Variants in PHLPP1 observed in about 807,000 individuals in gnomAD.
PHLPP1 encodes PH domain and leucine rich repeat protein phosphatase 1, also known as PH domain leucine-rich repeat-containing protein phosphatase 1.
PHLPP1 carries 42 observed loss-of-function variants against 117.2 expected under a neutral mutation model. The ratio of observed to expected loss-of-function variants is 0.36; its 90% confidence interval spans 0.28 to 0.46. The LOEUF (loss-of-function observed/expected upper bound fraction) is 0.46. Ranked by LOEUF, PHLPP1 falls within the 20% of genes least tolerant of loss-of-function variation. The probability of loss-of-function intolerance (pLI) is 1.00; values close to 1 mark genes in which losing one functional copy is unlikely to be tolerated. For missense variants in PHLPP1, 2,084 were observed against 2,241.9 expected (o/e 0.93, Z 1.42); for synonymous variants, 1,042 against 970.7 (o/e 1.07, Z -1.37).
At chr18:62,810,286 A>T (rs1032671584) in intron 1 of PHLPP1, among the ~76,000 whole-genome samples, 3 of 152,252 alleles carry the variant, frequency 2.0e-5, no homozygotes, top group African/African-American at 4.8e-5. Context: ...TCAAAATGCC[A>T]TATTTCCCTA....
At chr18:62,820,014 T>C (rs946470144) in intron 1 of PHLPP1, among the ~76,000 whole-genome samples, 7 of 152,178 alleles carry the variant, frequency 4.6e-5, no homozygotes, top group African/African-American at 9.7e-5. Context: ...ATATAAATGT[T>C]GGTAACACTG....
intron 1 of PHLPP1, among the ~76,000 whole-genome samples, chr18:62,717,655 TA>T (rs1376876169): frequency 1.3e-5 from 2 of 152,130 alleles, no homozygotes; most frequent in African/African-American, 4.8e-5. Flanking sequence ...GAAATGACAA[TA>T]AAAATGCTCT....
rs1369827745 is a variant in PHLPP1 at position 62,892,414 on chromosome 18, TGAATCTTTTA to T, written c.2067-2596_2067-2587del. ...AGAGTGTCGTTGTCTTCTATTTTGG[TGAATCTTTTA>T]ATATCTGGCTGGATTCTCATATCTC... On this transcript the variant is annotated intron_variant, in intron 4 of 16. Transcript: ENST00000262719. Among the ~76,000 whole-genome samples the T allele has an allele frequency of 6.6e-5, 10 of 151,938 alleles. No homozygotes were observed. The East Asian group carries it at 1.6e-3, about 24-fold the overall frequency.
intron 2 of PHLPP1, among the ~76,000 whole-genome samples, chr18:62,833,550 C>T (rs1452254127): frequency 6.6e-6 from 1 of 152,110 alleles, no homozygotes; most frequent in Non-Finnish European, 1.5e-5. Context: ...ATTCACTGTC[C>T]TAGAATGTAT....
At chr18:62,834,001 T>C (rs1914823779) in intron 2 of PHLPP1, among the ~76,000 whole-genome samples, 1 of 152,168 alleles carries the variant, frequency 6.6e-6, no homozygotes. Context: ...TCAGTTAATA[T>C]AAGCATAAGT....
At chr18:62,874,062 T>C (rs2144376291) in intron 4 of PHLPP1, among the ~76,000 whole-genome samples, 1 of 151,286 alleles carries the variant, frequency 6.6e-6, no homozygotes, top group Admixed American at 6.6e-5. Flanking sequence ...TGCATGCCTG[T>C]AATCCCAGCT....
At chr18:62,916,003 A>G (rs984140032) in intron 9 of PHLPP1, among the ~76,000 whole-genome samples, 1 of 152,204 alleles carries the variant, frequency 6.6e-6, no homozygotes, top group Non-Finnish European at 1.5e-5. Flanking sequence ...TTATAGAAGT[A>G]TGTCACCATT....
At chr18:62,902,704 A>G (rs1433002486) in intron 6 of PHLPP1, among the ~76,000 whole-genome samples, 1 of 152,162 alleles carries the variant, frequency 6.6e-6, no homozygotes, top group Non-Finnish European at 1.5e-5. Context: ...AGGTAAAGTC[A>G]ATGTGCTTAT....
intron 3 of PHLPP1, among the ~76,000 whole-genome samples, chr18:62,853,005 G>A (rs147624830): frequency 3.7e-4 from 57 of 152,284 alleles, no homozygotes; most frequent in African/African-American, 1.2e-3. Context: ...GAGGAGGGAC[G>A]TTTTTGTCAT....
In PHLPP1 at chr18:62,973,978, C is replaced by T. The variant is rs77932717; in HGVS notation, c.3755+1270C>T. 7.3e-3 allele frequency among the ~76,000 whole-genome samples: 1,111 copies of T among 152,216 alleles called. 9 individuals are homozygous for T. Among genetic ancestry groups the T allele is most frequent in the African/African-American group, 0.026 (1,076 of 41,520 alleles). ...GGCACATCAGCTTTCCTGTTTTTACCACCCTTTTGTTCTAGAAAAACAGCA... is the reference window on the plus strand; with the variant it reads ...GGCACATCAGCTTTCCTGTTTTTACTACCCTTTTGTTCTAGAAAAACAGCA... On this transcript the variant is annotated intron_variant, in intron 15 of 16. Transcript: ENST00000262719.
At chr18:62,918,079 G>A (rs1599119860) in intron 9 of PHLPP1, among the ~76,000 whole-genome samples, 1 of 151,656 alleles carries the variant, frequency 6.6e-6, no homozygotes. Flanking sequence ...GGTGGTGCAC[G>A]CCTGTAGTCC....
chr18:62,733,795 G>A (rs1445216279), intron 1 of PHLPP1, among the ~76,000 whole-genome samples: 1 of 152,228 alleles, frequency 6.6e-6, no homozygotes, highest in Non-Finnish European at 1.5e-5. Flanking sequence ...AGGACTAGGA[G>A]TAGACTGTTG....
chr18:62,961,263 C>T (rs1258773066), intron 13 of PHLPP1, among the ~76,000 whole-genome samples: 1 of 152,134 alleles, frequency 6.6e-6, no homozygotes, highest in Non-Finnish European at 1.5e-5. Flanking sequence ...TATTGTACTC[C>T]AGCCTGGGCA....
At chr18:62,825,406 ATATT>A (rs919006634) in intron 1 of PHLPP1, 19 of 147,472 alleles carry the variant, frequency 1.3e-4, no homozygotes, top group Admixed American at 5.4e-4. Flanking sequence ...AATATATATT[ATATT>A]TATTTTATAT....
At chr18:62,749,948 G>A (rs1166693114) in intron 1 of PHLPP1, among the ~76,000 whole-genome samples, 4 of 152,244 alleles carry the variant, frequency 2.6e-5, no homozygotes, top group Middle Eastern at 3.4e-3. Flanking sequence ...CCCCGGAGGC[G>A]GAGATTGCAG....
chr18:62,912,865 C>T (rs925679552), intron 8 of PHLPP1, among the ~76,000 whole-genome samples: 2 of 152,226 alleles, frequency 1.3e-5, no homozygotes, highest in Non-Finnish European at 2.9e-5. Flanking sequence ...AAGTGATCCA[C>T]CCGCCTTGGC....
intron 12 of PHLPP1, among the ~76,000 whole-genome samples, chr18:62,947,040 G>A (rs748288565): frequency 3.9e-5 from 6 of 152,260 alleles, no homozygotes; most frequent in Non-Finnish European, 7.4e-5. Context: ...GCAACAGAGC[G>A]AGACTCCGTC....
intron 4 of PHLPP1, among the ~76,000 whole-genome samples, chr18:62,879,148 G>A (rs2144381862): frequency 6.6e-6 from 1 of 152,264 alleles, no homozygotes; most frequent in African/African-American, 2.4e-5. Context: ...AATCCCCCAT[G>A]CAACAGTATT....
chr18:62,812,216 A>T (rs893768695), intron 1 of PHLPP1, among the ~76,000 whole-genome samples: 18 of 152,202 alleles, frequency 1.2e-4, no homozygotes, highest in African/African-American at 3.6e-4. Context: ...AGAGAGAAAC[A>T]GTGGTGTAGA....
Sources: gnomAD v4.1 joint callset for allele counts (sites outside exome capture counted in the v4.1 genomes callset) on GRCh38, gnomAD v4.1.1 for gene constraint, MANE v1.5 for transcripts, NCBI Gene and HGNC (gene_info 2026-07-23, HGNC 2026-07-21) for gene names.